Variants in GLIS3 observed in about 807,000 individuals in gnomAD.
The protein encoded by GLIS3 is GLIS family zinc finger 3.
A neutral mutation model predicts 78.6 loss-of-function variants in GLIS3; 53 were observed. That is an observed-to-expected ratio of 0.67 (90% CI 0.54 to 0.85). The LOEUF is 0.85. Ranked by LOEUF, GLIS3 falls within the 40% of genes least tolerant of loss-of-function variation. The pLI, the probability that GLIS3 is intolerant of heterozygous loss-of-function variation, is 0.00. For missense variants in GLIS3, 1,703 were observed against 1,231.1 expected, an observed-to-expected ratio of 1.38 and a Z score of -5.74; for synonymous variants, 684 against 509.9, an observed-to-expected ratio of 1.34 and a Z score of -4.60.
At chr9:4,012,068 T>C (rs183882384) in intron 4 of GLIS3, among the ~76,000 whole-genome samples, 30 of 152,180 alleles carry the variant, frequency 2.0e-4, no homozygotes, top group South Asian at 1.5e-3. Context: ...AAGAAAAAAA[T>C]GTAAAACATA....
chr9:4,310,717 C>T (rs1297888753), intron 2 of GLIS3, among the ~76,000 whole-genome samples: 1 of 152,134 alleles, frequency 6.6e-6, no homozygotes, highest in African/African-American at 2.4e-5. Context: ...ATGAGCCAAT[C>T]ACCCAGGATT....
intron 4 of GLIS3, chr9:4,305,560 G>A (rs1183881977): frequency 6.6e-6 from 1 of 152,190 alleles, no homozygotes; most frequent in East Asian, 1.9e-4. Flanking sequence ...CAAAGTGAAT[G>A]GCTCATAAAT....
At chr9:4,439,465 G>A in the GLIS3 span, among the ~76,000 whole-genome samples, 1 of 152,066 alleles carries the variant, frequency 6.6e-6, no homozygotes, top group Non-Finnish European at 1.5e-5. Flanking sequence ...GCACTCACTT[G>A]TCTGGTTTCT....
intron 2 of GLIS3, among the ~76,000 whole-genome samples, chr9:4,202,309 C>A (rs1819476434): frequency 6.6e-6 from 1 of 151,366 alleles, no homozygotes; most frequent in South Asian, 2.1e-4. Flanking sequence ...CGCCACCATG[C>A]CTGGCTAATT....
chr9:4,374,242 T>G, the GLIS3 span, among the ~76,000 whole-genome samples: 11 of 152,328 alleles, frequency 7.2e-5, no homozygotes, highest in African/African-American at 2.6e-4. Context: ...CAAAATGAAT[T>G]AGAACAACTC....
chr9:4,366,876 G>A, the GLIS3 span, among the ~76,000 whole-genome samples: 1 of 152,188 alleles, frequency 6.6e-6, no homozygotes, highest in Non-Finnish European at 1.5e-5. Context: ...GAGACAATGG[G>A]CCAGAGGAAA....
rs371282097 is a variant in GLIS3, at chr9:4,053,904, CT to C, written c.1710+63863del. Reference sequence around the variant, plus strand: ...ACACGGCAATCTGTTGTTTTTGTTCCTGAGGTAAAGACAGTTTGCTTCAGGC... The same window carrying C: ...ACACGGCAATCTGTTGTTTTTGTTCCGAGGTAAAGACAGTTTGCTTCAGGC... On this transcript the variant is annotated intron_variant, in intron 4 of 10. Coordinates refer to ENST00000381971, the MANE Select transcript of GLIS3 (RefSeq NM_001042413.2). Among the ~76,000 whole-genome samples the C allele has an allele frequency of 1.9e-3, 293 of 152,158 alleles. 1 individual carries two copies. Among genetic ancestry groups the C allele is most frequent in the African/African-American group, 6.8e-3 (282 of 41,532 alleles).
At chr9:3,950,665 A>G (rs2130841616) in intron 4 of GLIS3, among the ~76,000 whole-genome samples, 1 of 152,336 alleles carries the variant, frequency 6.6e-6, no homozygotes, top group African/African-American at 2.4e-5. Flanking sequence ...GGTTATGTTT[A>G]GTCTCTCACA....
chr9:4,100,029 C>T (rs981819687), intron 4 of GLIS3, among the ~76,000 whole-genome samples: 18 of 152,200 alleles, frequency 1.2e-4, no homozygotes, highest in African/African-American at 4.3e-4. Context: ...GCCTCCCATA[C>T]TGGATTTTGT....
At chr9:4,238,042 A>G (rs1409371261) in intron 2 of GLIS3, among the ~76,000 whole-genome samples, 5 of 152,210 alleles carry the variant, frequency 3.3e-5, no homozygotes, top group Non-Finnish European at 7.3e-5. Flanking sequence ...AATTTTCCTC[A>G]GGAATTTCCT....
At chr9:4,229,590 G>C (rs1822079580) in intron 2 of GLIS3, among the ~76,000 whole-genome samples, 1 of 152,036 alleles carries the variant, frequency 6.6e-6, no homozygotes, top group Non-Finnish European at 1.5e-5. Flanking sequence ...GATATTTTCT[G>C]GTTCTCTGGA....
intron 2 of GLIS3, among the ~76,000 whole-genome samples, chr9:4,204,508 G>T (rs556608773): frequency 6.6e-6 from 1 of 152,110 alleles, no homozygotes; most frequent in Non-Finnish European, 1.5e-5. Flanking sequence ...TTAACAAGCA[G>T]AGTAAGAGGA....
At chr9:4,442,046 G>A in the GLIS3 span, among the ~76,000 whole-genome samples, 3 of 152,232 alleles carry the variant, frequency 2.0e-5, no homozygotes, top group East Asian at 5.8e-4. Context: ...TTCTTTAAAC[G>A]TTTGGTAGAA....
At chr9:3,857,210 C>A (rs908387238) in intron 8 of GLIS3, among the ~76,000 whole-genome samples, 1 of 152,160 alleles carries the variant, frequency 6.6e-6, no homozygotes, top group Non-Finnish European at 1.5e-5. Context: ...CTCAAAAAGT[C>A]CCAGTAAGCT....
chr9:4,154,237 G>A (rs938842473), intron 2 of GLIS3, among the ~76,000 whole-genome samples: 1 of 152,102 alleles, frequency 6.6e-6, no homozygotes, highest in African/African-American at 2.4e-5. Flanking sequence ...AATTCAAGGG[G>A]GTAGAGAAAT....
At chr9:3,928,722 T>C (rs1825417917) in intron 6 of GLIS3, among the ~76,000 whole-genome samples, 1 of 152,252 alleles carries the variant, frequency 6.6e-6, no homozygotes, top group Non-Finnish European at 1.5e-5. Flanking sequence ...TTTCAAATGC[T>C]ATGCTTGGTT....
intron 9 of GLIS3, among the ~76,000 whole-genome samples, chr9:3,855,165 G>A (rs1819685605): frequency 6.6e-6 from 1 of 152,192 alleles, no homozygotes; most frequent in African/African-American, 2.4e-5. Flanking sequence ...TTCTATGGAT[G>A]CTCACTAAGA....
At chr9:4,027,458 A>G (rs2130226455) in intron 4 of GLIS3, among the ~76,000 whole-genome samples, 1 of 152,324 alleles carries the variant, frequency 6.6e-6, no homozygotes, top group South Asian at 2.1e-4. Context: ...TTCAAAATGC[A>G]CTGTAAAATT....
At chr9:3,873,183 A>T (rs1003356753) in intron 8 of GLIS3, among the ~76,000 whole-genome samples, 2 of 152,220 alleles carry the variant, frequency 1.3e-5, no homozygotes, top group Non-Finnish European at 2.9e-5. Context: ...AATCCTCTGG[A>T]AACTATTCCA....
Sources: allele counts gnomAD v4.1 joint callset (sites outside exome capture counted in the v4.1 genomes callset), GRCh38; gene constraint gnomAD v4.1.1; transcripts MANE v1.5; gene names NCBI Gene and HGNC (gene_info 2026-07-23, HGNC 2026-07-21).